The following NR1D1 variants were observed in gnomAD, a reference collection of about 807,000 sequenced individuals.
The protein encoded by NR1D1 is Rev-ErbAalpha.
NR1D1 carries 17 observed loss-of-function variants against 51.1 expected under a neutral mutation model. That is an observed-to-expected ratio of 0.33 (90% confidence interval 0.23 to 0.50). NR1D1 has a LOEUF of 0.50. Among genes scored for constraint, NR1D1 ranks in the 20% least tolerant of loss-of-function variants. NR1D1 has a pLI of 0.98. For synonymous variants in NR1D1, 341 were observed against 333.4 expected, an observed-to-expected ratio of 1.02 and a Z score of -0.25; for missense variants, 647 against 830.4, an observed-to-expected ratio of 0.78 and a Z score of 2.71.
Position 40,093,616 on chromosome 17 carries a change from G to GC in NR1D1, c.1645+295dup. 1 of 709,854 alleles carries GC rather than the reference G, an allele frequency of 1.4e-6. No individual in the cohort carries two copies. The highest frequency in any genetic ancestry group is 2.7e-5 in the East Asian group (1 of 36,756). 44.0% of individuals were successfully genotyped at this position (709,854 alleles called of 1,614,324 possible). A position where few individuals can be genotyped will look rare whatever the true frequency, so the allele number is the denominator to read the frequency against. On this transcript the variant is annotated intron_variant, in intron 7 of 7. Transcript: ENST00000246672. This position sits in a 1 kb window ranked among gnomAD's most constrained non-coding sequence, Gnocchi z 5.9. ...ATGCCCTTCCCCCTTTCTCTGCCTG[G>GC]CAACATCTTACTTGTCCTTTGAGGC...
At position 40,093,829 on chromosome 17, in the gene NR1D1, C is replaced by G; in HGVS notation, c.1645+83G>C. ...CCCCAGTGCCCGGTGCAGGGCCTGGCATAGAGTAGGTACTCCATAAAAGGT... is the reference window on the plus strand; with the variant it reads ...CCCCAGTGCCCGGTGCAGGGCCTGGGATAGAGTAGGTACTCCATAAAAGGT... On this transcript the variant is annotated intron_variant, in intron 7 of 7. Transcript: ENST00000246672. The surrounding 1 kb of genome is among the most constrained non-coding windows in gnomAD (Gnocchi z 5.9). 7.9e-7 allele frequency: 1 copy of G among 1,263,804 alleles called. No homozygotes were observed. 78.3% of individuals were successfully genotyped at this position (1,263,804 alleles called of 1,614,324 possible). A position where few individuals can be genotyped will look rare whatever the true frequency, so the allele number is the denominator to read the frequency against.
At position 40,096,792 on chromosome 17, in the gene NR1D1, C is replaced by T. The variant is rs1219611554; in HGVS notation, c.371-13G>A. 17 of 1,613,570 alleles carry T rather than the reference C, an allele frequency of 1.1e-5. No individual in the cohort carries two copies. In the East Asian group the frequency reaches 1.3e-4, roughly 13 times the overall value. The stretch of plus-strand genomic sequence containing the variant: ...ATGCCATTCAGCTCTGTGGAAGAGA[C>T]GGGCAGCAGGTGAGCAGGAGAGGCC... On this transcript the variant is annotated splice_polypyrimidine_tract_variant and intron_variant, in intron 2 of 7. Transcript: ENST00000246672.
chr17:40,094,925 GGTCA>G lies in NR1D1; in HGVS notation c.1434+6_1434+9del, dbSNP rs989794610. ...AAAAACAAAAACCAGAAGCATAAACGGTCACTCACCTCAAAGGTGCCAGCCTTAA... is the reference window on the plus strand; with the variant it reads ...AAAAACAAAAACCAGAAGCATAAACGCTCACCTCAAAGGTGCCAGCCTTAA... On this transcript the variant is annotated splice_donor_region_variant and intron_variant, in intron 6 of 7. Coordinates refer to ENST00000246672, the MANE Select transcript of NR1D1 (RefSeq NM_021724.5). 3.1e-6 allele frequency: 5 copies of G among 1,612,740 alleles called. No homozygotes were observed. The African/African-American group carries it at 4.0e-5, about 13-fold the overall frequency.
chr17:40,093,491 G>A lies in NR1D1; in HGVS notation c.1646-209C>T, dbSNP rs972721610. 8 of 1,452,492 alleles carry A rather than the reference G, an allele frequency of 5.5e-6. No homozygotes were observed. The South Asian group carries it at 7.1e-5, about 13-fold the overall frequency. The allele number at this position is 1,452,492 out of a possible 1,614,324, so 90.0% of individuals were successfully genotyped here. ...AAGCTGGGAGCGTGGGCTCAGCAGG[G>A]CTGGTCACCTCCCATCCCGTAAGAC... On this transcript the variant is annotated intron_variant, in intron 7 of 7. Transcript: ENST00000246672. This position sits in a 1 kb window ranked among gnomAD's most constrained non-coding sequence, Gnocchi z 5.9.
chr17:40,094,025 A>G lies in NR1D1; in HGVS notation c.1532T>C (p.Met511Thr). The G allele has an allele frequency of 6.2e-7, 1 of 1,614,054 alleles. No individual in the cohort carries two copies. The highest frequency in any genetic ancestry group is 8.5e-7 in the Non-Finnish European group (1 of 1,180,022). The stretch of plus-strand genomic sequence containing the variant: ...GGCACTGAGCAGGTCTCCCATGCCC[A>G]TGGCACCAAGCTCCTGCAGGCTGTA... ...TTYSLQELGA[M>T]GMGDLLSAMF... Residue 511 changes from methionine to threonine, a missense_variant, in exon 7 of 8, where the codon ATG becomes ACG. By Grantham distance (81) the Met-to-Thr change is moderately conservative (BLOSUM62 -1). Around this residue, in one of 7 missense-constraint regions of NR1D1, gnomAD observed 155 missense variants for 236.8 expected, o/e 0.65. Coordinates refer to ENST00000246672, the MANE Select transcript of NR1D1 (RefSeq NM_021724.5).
Position 40,100,564 on chromosome 17 carries a change from T to G in NR1D1, c.-470A>C. 2 of 422,098 alleles carry G rather than the reference T, an allele frequency of 4.7e-6. No individual in the cohort carries two copies. Among genetic ancestry groups the G allele is most frequent in the Non-Finnish European group, 8.4e-6 (2 of 238,234 alleles). The allele number at this position is 422,098 out of a possible 1,614,324, so 26.1% of individuals were successfully genotyped here. On this transcript the variant is annotated 5_prime_UTR_variant, in exon 1 of 8. Transcript: ENST00000246672. ...GAGGCGAGACGTGTGCCCTGCTACGTTCCCTCGGCAGTAATATTTCACTCT... is the reference window on the plus strand; with the variant it reads ...GAGGCGAGACGTGTGCCCTGCTACGGTCCCTCGGCAGTAATATTTCACTCT...
In NR1D1 at chr17:40,095,529, A is replaced by G. The variant is rs1357573389; in HGVS notation, c.1163T>C (p.Leu388Pro). The part of the protein sequence containing the change: ...CHQSNSNGHR[L>P]CPTHVYAAPE... ...GGCTGCATACACGTGGGTGGGGCAT[A>G]GACGGTGCCCGTTGCTGTTGGACTG... The change falls in exon 5 of 8, where the codon CTA becomes CCA. Residue 388 changes from leucine (L) to proline (P), a missense_variant. Coordinates refer to ENST00000246672, the MANE Select transcript of NR1D1 (RefSeq NM_021724.5). The G allele has an allele frequency of 1.9e-6, 3 of 1,599,122 alleles. No homozygotes were observed. Among genetic ancestry groups the G allele is most frequent in the Non-Finnish European group, 2.6e-6 (3 of 1,171,664 alleles).
chr17:40,099,020 G>T (rs1987819900), intron 1 of NR1D1, among the ~76,000 whole-genome samples: 1 of 151,320 alleles, frequency 6.6e-6, no homozygotes, highest in Admixed American at 6.6e-5. Context: ...GGGGGAGGGG[G>T]CCGGGCAGGC....
chr17:40,093,369 C>G lies in NR1D1; in HGVS notation c.1646-87G>C. 6.2e-7 allele frequency: 1 copy of G among 1,611,004 alleles called. No homozygotes were observed. Among genetic ancestry groups the G allele is most frequent in the Non-Finnish European group, 8.5e-7 (1 of 1,178,758 alleles). ...GTCTGCGAGGACCTGGCAGGCAATG[C>G]AGCCTCTCCCTGAAGCCCCCCAGAA... On this transcript the variant is annotated intron_variant, in intron 7 of 7. Transcript: ENST00000246672. The surrounding 1 kb of genome is among the most constrained non-coding windows in gnomAD (Gnocchi z 5.9).
rs752175778 is a variant in NR1D1, at chr17:40,093,099, C to T, written c.1829G>A (p.Arg610Gln). 4 of 1,614,096 alleles carry T rather than the reference C, an allele frequency of 2.5e-6. No homozygotes were observed. Among genetic ancestry groups the T allele is most frequent in the South Asian group, 1.1e-5 (1 of 91,086 alleles). Residue 610 changes from arginine (R) to glutamine (Q), a missense_variant, in exon 8 of 8, where the codon CGG becomes CAG. By Grantham distance (43) the Arg-to-Gln change is conservative. Around this residue, in one of 7 missense-constraint regions of NR1D1, gnomAD observed 155 missense variants for 236.8 expected, o/e 0.65. Coordinates refer to ENST00000246672, the MANE Select transcript of NR1D1 (RefSeq NM_021724.5). This position sits in a 1 kb window ranked among gnomAD's most constrained non-coding sequence, Gnocchi z 5.9. ...CCGGGCGGGTCACTGGGCGTCCACC[C>T]GGAAGGACAGCAGCTTCTCGGAATG... is the stretch of plus-strand genomic sequence containing the variant. Reference protein sequence around the residue: ...NMHSEKLLSFRVDAQ With the variant: ...NMHSEKLLSFQVDAQ
chr17:40,097,571 C>T (rs150635331), intron 1 of NR1D1, among the ~76,000 whole-genome samples, 168 bp from the exon 2 acceptor site: 2 of 152,328 alleles, frequency 1.3e-5, no homozygotes, highest in Admixed American at 6.5e-5. Context: ...ACACAGTAGA[C>T]ATGGCATGGC....
chr17:40,093,505 A>G lies in NR1D1; in HGVS notation c.1646-223T>C. ...GGCTCAGCAGGGCTGGTCACCTCCCATCCCGTAAGACCACCTTCCCTTCCT... is the reference window on the plus strand; with the variant it reads ...GGCTCAGCAGGGCTGGTCACCTCCCGTCCCGTAAGACCACCTTCCCTTCCT... On this transcript the variant is annotated intron_variant, in intron 7 of 7. Transcript: ENST00000246672. This position sits in a 1 kb window ranked among gnomAD's most constrained non-coding sequence, Gnocchi z 5.9. 1 of 1,409,848 alleles carries G rather than the reference A, an allele frequency of 7.1e-7. No homozygotes were observed. The highest frequency in any genetic ancestry group is 1.5e-5 in the South Asian group (1 of 67,610). The allele number at this position is 1,409,848 out of a possible 1,614,324, so 87.3% of individuals were successfully genotyped here.
In NR1D1 at chr17:40,100,288, A is replaced by C; in HGVS notation, c.-194T>G. On this transcript the variant is annotated 5_prime_UTR_variant, in exon 1 of 8. Transcript: ENST00000246672. ...AGCCCTGCAGAAGGGTTGGACGTTG[A>C]GGCAACGGAGTTCTGCTTTGCATGG... is the stretch of plus-strand genomic sequence containing the variant. 3.2e-6 allele frequency: 2 copies of C among 629,264 alleles called. No individual in the cohort carries two copies. The highest frequency in any genetic ancestry group is 5.7e-6 in the Non-Finnish European group (2 of 350,270). 39.0% of individuals were successfully genotyped at this position (629,264 alleles called of 1,614,324 possible).
At chr17:40,099,990 C>T in intron 1 of NR1D1, 74 bp downstream of exon 1, 3 of 1,122,558 alleles carry the variant, frequency 2.7e-6, no homozygotes, top group Non-Finnish European at 2.7e-6. Context: ...TACAAAGTTC[C>T]TCTTTTTATA....
intron 2 of NR1D1, 118 bp from the exon 3 acceptor site, chr17:40,096,897 G>A: frequency 8.3e-7 from 1 of 1,210,634 alleles, no homozygotes; most frequent in South Asian, 1.3e-5. Context: ...CTCCAGTGTT[G>A]AGGGGCACTG....
chr17:40,100,457 C>G lies in NR1D1; in HGVS notation c.-363G>C, dbSNP rs183213308. The G allele has an allele frequency of 1.2e-3, 548 of 459,008 alleles. 1 individual carries two copies. The highest frequency in any genetic ancestry group is 1.7e-3 in the Non-Finnish European group (450 of 259,064). The allele number at this position is 459,008 out of a possible 1,614,324, so 28.4% of individuals were successfully genotyped here. ...TGCGGGGTGGCGAATCTGGAGCTCCCGGTGCAAAAGTCCCAGAGGAAGAGA... is the reference window on the plus strand; with the variant it reads ...TGCGGGGTGGCGAATCTGGAGCTCCGGGTGCAAAAGTCCCAGAGGAAGAGA... On this transcript the variant is annotated 5_prime_UTR_variant, in exon 1 of 8. Coordinates refer to ENST00000246672, the MANE Select transcript of NR1D1 (RefSeq NM_021724.5).
Position 40,095,930 on chromosome 17 carries a change from T to A in NR1D1, c.762A>T (p.Pro254=), listed in dbSNP as rs1987751963. ...GGGGTGAGGGGACCGGAGCAGGGGG[T>A]GGCGAGGGGCCCATGGGGCCTGGGG... ...HPTPGPMGPS[P]PPAPVPSPLV... is the part of the protein sequence containing the mutation. The change falls in exon 5 of 8, where the codon CCA becomes CCT. Residue 254 remains proline, a synonymous_variant. Transcript: ENST00000246672. 1 of 1,288,164 alleles carries A rather than the reference T, an allele frequency of 7.8e-7. No homozygotes were observed. The highest frequency in any genetic ancestry group is 1.0e-6 in the Non-Finnish European group (1 of 958,082). 79.8% of individuals were successfully genotyped at this position (1,288,164 alleles called of 1,614,324 possible).
chr17:40,096,799 C>T lies in NR1D1; in HGVS notation c.371-20G>A, dbSNP rs376507722. ...TCAGCTCTGTGGAAGAGACGGGCAGCAGGTGAGCAGGAGAGGCCAGGCTGA... is the reference window on the plus strand; with the variant it reads ...TCAGCTCTGTGGAAGAGACGGGCAGTAGGTGAGCAGGAGAGGCCAGGCTGA... On this transcript the variant is annotated intron_variant, in intron 2 of 7. Transcript: ENST00000246672. 1 of 1,612,078 alleles carries T rather than the reference C, an allele frequency of 6.2e-7. No individual in the cohort carries two copies. Among genetic ancestry groups the T allele is most frequent in the Non-Finnish European group, 8.5e-7 (1 of 1,178,450 alleles).
At chr17:40,094,415 G>T (rs981064731) in intron 6 of NR1D1, among the ~76,000 whole-genome samples, 1 of 152,214 alleles carries the variant, frequency 6.6e-6, no homozygotes, top group African/African-American at 2.4e-5. Flanking sequence ...CATTATTTCA[G>T]TGTAATGGGT....
Sources: gnomAD v4.1 joint callset for allele counts (sites outside exome capture counted in the v4.1 genomes callset) on GRCh38, gnomAD v4.1.1 for gene constraint, gnomAD v4.1.1 regional missense constraint, Gnocchi (gnomAD v3.1) non-coding constraint, MANE v1.5 for transcripts, NCBI Gene and HGNC (gene_info 2026-07-23, HGNC 2026-07-21) for gene names.